B9D1: variants seen among roughly 807,000 people sequenced by gnomAD.
B9D1 encodes the protein B9 domain-containing protein 1.
In B9D1, 20 loss-of-function variants were observed where a neutral mutation model predicts 26.1. The observed-to-expected ratio is 0.77, with a 90% CI of 0.54 to 1.12. B9D1 has a LOEUF of 1.12. Among genes scored for constraint, B9D1 ranks in the 50% most tolerant of loss-of-function variants. B9D1 has a pLI of 0.00. For missense variants in B9D1, 260 were observed against 273.7 expected, an observed-to-expected ratio of 0.95 and a Z score of 0.35; for synonymous variants, 105 against 103.1, an observed-to-expected ratio of 1.02 and a Z score of -0.11.
chr17:19,335,577 GCCCACGGGT>G (rs1404932928), downstream of B9D1: 1 of 1,136,274 alleles, frequency 8.8e-7, no homozygotes, highest in African/African-American at 1.6e-5. Context: ...GTGCTTCTGT[GCCCACGGGT>G]CCCTGGGCAA....
At chr17:19,335,586 T>G, downstream of B9D1, 25 of 905,096 alleles carry the variant, frequency 2.8e-5, no homozygotes, top group African/African-American at 5.1e-5. Context: ...TGCCCACGGG[T>G]CCCTGGGCAA....
At position 19,343,316 on chromosome 17, in the gene B9D1, C is replaced by A. The variant is rs1908206243; in HGVS notation, c.*3G>T. ...ATCAGAGACTGTGCAGCCTGTGGAG[C>A]CTTCACTGGGGGAAGCTCTGGGGTG... On this transcript the variant is annotated 3_prime_UTR_variant, in exon 7 of 7. Coordinates refer to ENST00000261499, the MANE Select transcript of B9D1 (RefSeq NM_015681.6). 1 of 1,614,156 alleles carries A rather than the reference C, an allele frequency of 6.2e-7. No homozygotes were observed. The highest frequency in any genetic ancestry group is 2.2e-5 in the East Asian group (1 of 44,892).
Position 19,351,684 on chromosome 17 carries a change from G to T in B9D1, c.245-3804C>A, listed in dbSNP as rs1267023165. 5.9e-5 allele frequency among the ~76,000 whole-genome samples: 9 copies of T among 152,222 alleles called. No homozygotes were observed. The East Asian group carries it at 1.7e-3, about 29-fold the overall frequency. ...CTTTGTGAGAACATTTTTAATTATAGATTCAATTTAATAGACATAGGACTA... is the reference window on the plus strand; with the variant it reads ...CTTTGTGAGAACATTTTTAATTATATATTCAATTTAATAGACATAGGACTA... On this transcript the variant is annotated intron_variant, in intron 3 of 6. Transcript: ENST00000261499.
upstream of B9D1, among the ~76,000 whole-genome samples, chr17:19,367,265 G>A (rs565879685): frequency 4.6e-5 from 7 of 150,538 alleles, no homozygotes; most frequent in Admixed American, 2.6e-4. Flanking sequence ...ACAATGTTGT[G>A]TGTTTATTTT....
At position 19,370,461 on chromosome 17, in the gene B9D1, TCA is replaced by T. The variant is rs1334324237; in HGVS notation, c.-298+7396_-298+7397del. On this transcript the variant is annotated intron_variant, in intron 1 of 5. Coordinates refer to the B9D1 transcript ENST00000477478. This position sits in a 1 kb window ranked among gnomAD's most constrained non-coding sequence, Gnocchi z 5.1. ...CGATGACATGTGCTGTGTGTGTCCC[TCA>T]CAGACTTGGGATCTTTCTGGGAGGC... Among the ~76,000 whole-genome samples the T allele has an allele frequency of 2.0e-5, 3 of 152,214 alleles. No individual in the cohort carries two copies. Among genetic ancestry groups the T allele is most frequent in the Non-Finnish European group, 4.4e-5 (3 of 68,030 alleles).
chr17:19,372,499 C>T lies in B9D1; in HGVS notation c.-298+5360G>A, dbSNP rs886433463. ...TGTGTCCTTTGCCCCCACTGTCCCT[C>T]TGCTGCCGCATGCTCGTCTATTAGG... On this transcript the variant is annotated intron_variant, in intron 1 of 5. Coordinates refer to the B9D1 transcript ENST00000477478. This position sits in a 1 kb window ranked among gnomAD's most constrained non-coding sequence, Gnocchi z 4.4. Among the ~76,000 whole-genome samples, 3 of 152,248 alleles carry T rather than the reference C, an allele frequency of 2.0e-5. No individual in the cohort carries two copies. The highest frequency in any genetic ancestry group is 4.4e-5 in the Non-Finnish European group (3 of 68,044).
intron 3 of B9D1, among the ~76,000 whole-genome samples, chr17:19,354,956 G>A (rs1422111201): frequency 2.0e-5 from 3 of 152,140 alleles, no homozygotes; most frequent in Admixed American, 1.3e-4. Context: ...GTGGCTTGAT[G>A]TCTCTCATCA....
rs748115422 is a variant in B9D1, at chr17:19,360,329, G to T, written c.123C>A (p.Ala41=). The T allele has an allele frequency of 1.2e-6, 2 of 1,613,940 alleles. No homozygotes were observed. Among genetic ancestry groups the T allele is most frequent in the South Asian group, 2.2e-5 (2 of 91,078 alleles). ...CAAGAGTCCAGCTTACCGCTGTGGG[G>T]GCCCAGTCCTGGCCGTACACAAAGC... ...KYCFVYGQDW[A]PTAGLEEGIS... The change falls in exon 2 of 7, where the codon GCC becomes GCA. Residue 41 remains alanine, a synonymous_variant. Transcript: ENST00000261499.
In B9D1 at chr17:19,360,370, G is replaced by A; in HGVS notation, c.82C>T (p.Leu28Phe). 6.2e-7 allele frequency: 1 copy of A among 1,613,920 alleles called. No homozygotes were observed. The highest frequency in any genetic ancestry group is 1.3e-5 in the African/African-American group (1 of 75,056). ...ESAQFPEYDD[L>F]YCKYCFVYGQ... ...TACACAAAGCAGTACTTGCAGTAGA[G>A]GTCATCATACTCTGGAAACTGAAAA... The change falls in exon 2 of 7, where the codon CTC (leucine) becomes TTC (phenylalanine). Residue 28 changes from leucine (L) to phenylalanine (F), a missense_variant. Transcript: ENST00000261499.
Position 19,347,812 on chromosome 17 carries a change from C to A in B9D1, c.313G>T (p.Ala105Ser). The change falls in exon 4 of 7, where the codon GCC becomes TCC. Residue 105 changes from alanine (A) to serine (S), a missense_variant. Coordinates refer to ENST00000261499, the MANE Select transcript of B9D1 (RefSeq NM_015681.6). The surrounding 1 kb of genome is among the most constrained non-coding windows in gnomAD (Gnocchi z 4.3). ...CCAGGTGAGAAGGGCACGTGCACGG[C>A]CCCATAGCCTCGAACCACATCGTTC... ...FGNDVVRGYG[A>S]VHVPFSPGRH... 2 of 1,614,000 alleles carry A rather than the reference C, an allele frequency of 1.2e-6. No individual in the cohort carries two copies. Among genetic ancestry groups the A allele is most frequent in the South Asian group, 2.2e-5 (2 of 91,068 alleles).
chr17:19,347,670 C>G lies in B9D1; in HGVS notation c.341+114G>C. The G allele has an allele frequency of 9.3e-7, 1 of 1,073,192 alleles. No individual in the cohort carries two copies. Among genetic ancestry groups the G allele is most frequent in the Non-Finnish European group, 1.4e-6 (1 of 717,244 alleles). 66.5% of individuals were successfully genotyped at this position (1,073,192 alleles called of 1,614,324 possible). A position where few individuals can be genotyped will look rare whatever the true frequency, so the allele number is the denominator to read the frequency against. ...CCCCCCTGGCCACCAGGCTGAGCTG[C>G]CCAGGCCCCTGGAGACCCCAGAGCA... On this transcript the variant is annotated intron_variant, in intron 4 of 6. Transcript: ENST00000261499. The surrounding 1 kb of genome is among the most constrained non-coding windows in gnomAD (Gnocchi z 4.3).
At chr17:19,375,098 T>G (rs1050600207) in intron 1 of B9D1, among the ~76,000 whole-genome samples, 2 of 152,056 alleles carry the variant, frequency 1.3e-5, no homozygotes, top group African/African-American at 4.8e-5. Context: ...AAGACTAGCC[T>G]GGCCAACACA....
intron 3 of B9D1, 142 bp downstream of exon 3, chr17:19,357,696 CGA>C: frequency 1.4e-6 from 1 of 708,796 alleles, no homozygotes; most frequent in Non-Finnish European, 2.6e-6. Context: ...GGACAGATGG[CGA>C]GAGAGAACGT....
Position 19,360,392 on chromosome 17 carries a change from A to G in B9D1, c.64-4T>C, listed in dbSNP as rs749948329. 13 of 1,613,212 alleles carry G rather than the reference A, an allele frequency of 8.1e-6. No individual in the cohort carries two copies. Among genetic ancestry groups the G allele is most frequent in the South Asian group, 3.3e-5 (3 of 91,068 alleles). ...AGAGGTCATCATACTCTGGAAACTG[A>G]AAAAAGCACAGACAGATTCTGTCGA... On this transcript the variant is annotated splice_region_variant and splice_polypyrimidine_tract_variant and intron_variant, in intron 1 of 6. Transcript: ENST00000261499.
At chr17:19,350,483 C>T (rs1047090440) in intron 3 of B9D1, among the ~76,000 whole-genome samples, 14 of 151,996 alleles carry the variant, frequency 9.2e-5, no homozygotes, top group South Asian at 2.1e-4. Flanking sequence ...GCAGAGGTTG[C>T]AGTGAGCTGA....
intron 1 of B9D1, among the ~76,000 whole-genome samples, chr17:19,374,165 A>G (rs1002846518): frequency 1.3e-5 from 2 of 152,182 alleles, no homozygotes; most frequent in Non-Finnish European, 2.9e-5. Context: ...TTTTAATAAG[A>G]TGTAGAAAAC....
chr17:19,337,656 C>T (rs555032232), downstream of B9D1: 998 of 1,492,180 alleles, frequency 6.7e-4, 5 homozygotes, highest in South Asian at 2.5e-3. Context: ...AGCGGCTTCC[C>T]GCGGAAGTTT....
chr17:19,360,446 T>G, intron 1 of B9D1, 58 bp from the exon 2 acceptor site: 2 of 1,510,164 alleles, frequency 1.3e-6, no homozygotes, highest in African/African-American at 1.4e-5. Flanking sequence ...CCAATGCATT[T>G]GCTAGGCAGG....
At chr17:19,340,596 A>G (rs1039711233), downstream of B9D1, among the ~76,000 whole-genome samples, 2 of 151,492 alleles carry the variant, frequency 1.3e-5, no homozygotes, top group African/African-American at 4.8e-5. Context: ...CCTGGCCAAC[A>G]TGGTGAAACC....
Sources: allele counts gnomAD v4.1 joint callset (sites outside exome capture counted in the v4.1 genomes callset), GRCh38; gene constraint gnomAD v4.1.1; non-coding constraint Gnocchi (gnomAD v3.1); transcripts MANE v1.5; gene names NCBI Gene and HGNC (gene_info 2026-07-23, HGNC 2026-07-21).